The following AFAP1 variants were observed in gnomAD, a reference collection of about 807,000 sequenced individuals.
AFAP1 encodes the protein actin filament associated protein 1, also known as actin filament-associated protein 1.
A neutral mutation model predicts 93.9 loss-of-function variants in AFAP1; 75 were observed. The observed-to-expected ratio is 0.80, with a 90% CI of 0.66 to 0.97. AFAP1 has a LOEUF of 0.97. AFAP1 is among the 50% of genes least tolerant of loss of function. The pLI is 0.00. For missense variants in AFAP1, 1,201 were observed against 1,050.8 expected (o/e 1.14, Z -1.98); for synonymous variants, 517 against 430.7 (o/e 1.20, Z -2.48).
chr4:7,802,259 G>C (rs1178482083), intron 9 of AFAP1, among the ~76,000 whole-genome samples: 4 of 143,342 alleles, frequency 2.8e-5, no homozygotes, highest in African/African-American at 9.7e-5. Flanking sequence ...TGTTGTTAGG[G>C]AGTGACAGAG....
intron 11 of AFAP1, among the ~76,000 whole-genome samples, chr4:7,787,672 A>G (rs1178503312): frequency 6.6e-6 from 1 of 152,132 alleles, no homozygotes; most frequent in Non-Finnish European, 1.5e-5. Context: ...AACAGTGTGG[A>G]GCCTGTGGTG....
At chr4:7,906,806 A>G (rs1190146466) in intron 1 of AFAP1, among the ~76,000 whole-genome samples, 1 of 152,158 alleles carries the variant, frequency 6.6e-6, no homozygotes, top group African/African-American at 2.4e-5. Flanking sequence ...GGATCACCTG[A>G]GGTCGGAAGT....
chr4:7,848,217 G>C (rs1026123140), intron 4 of AFAP1, among the ~76,000 whole-genome samples: 1 of 64,252 alleles, frequency 1.6e-5, no homozygotes, highest in African/African-American at 8.4e-5. Context: ...GAGGGAGGGA[G>C]GGAGGGAGGG....
chr4:7,769,144 G>A lies in AFAP1; in HGVS notation c.2254-136C>T, dbSNP rs1341428477. 5.0e-6 allele frequency: 6 copies of A among 1,199,170 alleles called. No individual in the cohort carries two copies. In the African/African-American group the frequency reaches 6.2e-5, roughly 12 times the overall value. The allele number at this position is 1,199,170 out of a possible 1,614,324, so 74.3% of individuals were successfully genotyped here. On this transcript the variant is annotated intron_variant, in intron 16 of 17. Coordinates refer to ENST00000420658, the MANE Select transcript of AFAP1 (RefSeq NM_001134647.2). The stretch of plus-strand genomic sequence containing the variant: ...AATAACAGCAGTAGCAGCAAGGACT[G>A]CCACGTGGTCAGTGCCTCACCCCCA...
At chr4:7,864,164 C>CGCATTCCCAACTTCCCATCACAACGCATT (rs1314891559) in intron 3 of AFAP1, among the ~76,000 whole-genome samples, 2 of 151,914 alleles carry the variant, frequency 1.3e-5, no homozygotes, top group Non-Finnish European at 2.9e-5. Context: ...CTCATCACAA[C>CGCATTCCCAACTTCCCATCACAACGCATT]CCACAGGTCC....
chr4:7,912,318 A>G (rs1354568700), intron 1 of AFAP1, among the ~76,000 whole-genome samples: 1 of 152,206 alleles, frequency 6.6e-6, no homozygotes, highest in Non-Finnish European at 1.5e-5. Context: ...ATAACTGCCC[A>G]TGAATGTGAG....
chr4:7,798,904 G>A, intron 10 of AFAP1: 1 of 986,834 alleles, frequency 1.0e-6, no homozygotes, highest in Non-Finnish European at 1.2e-6. Context: ...TCTTACCCGT[G>A]CCAATTCATG....
chr4:7,758,881 T>C lies in AFAP1; in HGVS notation c.*4884A>G, dbSNP rs1713379094. On this transcript the variant is annotated 3_prime_UTR_variant, in exon 18 of 18. Coordinates refer to ENST00000420658, the MANE Select transcript of AFAP1 (RefSeq NM_001134647.2). Reference sequence around the variant, plus strand: ...AACTAGGATTTTCCTTGCAAGTTTCTTTTCATAAAATTTTTACTTTATGAA... The same window carrying C: ...AACTAGGATTTTCCTTGCAAGTTTCCTTTCATAAAATTTTTACTTTATGAA... The C allele has an allele frequency of 6.6e-6, 1 of 152,254 alleles. No individual in the cohort carries two copies. Among genetic ancestry groups the C allele is most frequent in the Admixed American group, 6.5e-5 (1 of 15,284 alleles). 9.4% of individuals were successfully genotyped at this position (152,254 alleles called of 1,614,324 possible).
At chr4:7,921,102 C>T (rs1720418212) in intron 1 of AFAP1, among the ~76,000 whole-genome samples, 1 of 151,096 alleles carries the variant, frequency 6.6e-6, no homozygotes, top group African/African-American at 2.4e-5. Flanking sequence ...GAGTGAACCA[C>T]ACATCCTATG....
chr4:7,799,915 G>A (rs914789596), intron 10 of AFAP1, among the ~76,000 whole-genome samples: 7 of 152,110 alleles, frequency 4.6e-5, no homozygotes, highest in African/African-American at 1.4e-4. Flanking sequence ...CAGCAAAGGC[G>A]CTCTTTCAGT....
intron 9 of AFAP1, among the ~76,000 whole-genome samples, chr4:7,805,004 C>A (rs1239766531): frequency 6.6e-6 from 1 of 152,172 alleles, no homozygotes; most frequent in Non-Finnish European, 1.5e-5. Context: ...GGAGCTGGTA[C>A]ACTAACAGCC....
intron 2 of AFAP1, among the ~76,000 whole-genome samples, chr4:7,868,993 AAAAGAG>A (rs1309906835): frequency 1.3e-4 from 19 of 151,604 alleles, no homozygotes; most frequent in East Asian, 3.9e-4. Context: ...AAAAGAAAAG[AAAAGAG>A]AAAGAGAAAG....
At chr4:7,836,069 G>A (rs1712264805) in intron 6 of AFAP1, among the ~76,000 whole-genome samples, 1 of 152,124 alleles carries the variant, frequency 6.6e-6, no homozygotes, top group African/African-American at 2.4e-5. Context: ...AAAGAATGAA[G>A]TTGGACCCCT....
At chr4:7,773,900 C>T (rs1715774164) in intron 15 of AFAP1, 2 of 152,524 alleles carry the variant, frequency 1.3e-5, no homozygotes, top group African/African-American at 4.8e-5. Context: ...TGCTAACCAC[C>T]TGCTGGGTGT....
chr4:7,935,153 T>A (rs1577372567), intron 1 of AFAP1, among the ~76,000 whole-genome samples: 1 of 152,250 alleles, frequency 6.6e-6, no homozygotes, highest in African/African-American at 2.4e-5. Context: ...TGGGTTTTTT[T>A]TTAAATCTTA....
chr4:7,899,706 C>A (rs1292145727), intron 1 of AFAP1, among the ~76,000 whole-genome samples: 1 of 152,156 alleles, frequency 6.6e-6, no homozygotes, highest in African/African-American at 2.4e-5. Flanking sequence ...CAGTCTTGAA[C>A]CCTACAGGAG....
chr4:7,772,622 GGTGAGA>G (rs1030515171), intron 16 of AFAP1, 192 bp downstream of exon 16: 5 of 577,184 alleles, frequency 8.7e-6, no homozygotes, highest in Non-Finnish European at 1.5e-5. Context: ...TTCAGCGAGA[GGTGAGA>G]AAGCATGTCA....
At chr4:7,903,610 T>C (rs1006631123) in intron 1 of AFAP1, among the ~76,000 whole-genome samples, 1 of 152,016 alleles carries the variant, frequency 6.6e-6, no homozygotes, top group African/African-American at 2.4e-5. Context: ...ACCTGGGAGG[T>C]AGAGGTTGCA....
intron 1 of AFAP1, among the ~76,000 whole-genome samples, chr4:7,933,753 A>T (rs1357416998): frequency 6.6e-6 from 1 of 152,154 alleles, no homozygotes; most frequent in Non-Finnish European, 1.5e-5. Context: ...GATGGCCAGC[A>T]AGGGGACACC....
Sources: gnomAD v4.1 joint callset for allele counts (sites outside exome capture counted in the v4.1 genomes callset) on GRCh38, gnomAD v4.1.1 for gene constraint, MANE v1.5 for transcripts, NCBI Gene and HGNC (gene_info 2026-07-23, HGNC 2026-07-21) for gene names.